Variants in HDX observed in about 807,000 individuals in gnomAD.
The protein encoded by HDX is highly divergent homeobox, also known as chromosome X open reading frame 43.
HDX carries 19 observed loss-of-function variants against 45.2 expected under a neutral mutation model. The ratio of observed to expected loss-of-function variants is 0.42; its 90% confidence interval spans 0.29 to 0.62. HDX has a LOEUF of 0.62. Ranked by LOEUF, HDX falls within the 20% of genes least tolerant of loss-of-function variation. The pLI is 0.20. For missense variants in HDX, 532 were observed against 493.9 expected (o/e 1.08, Z -0.73); for synonymous variants, 188 against 172.8 (o/e 1.09, Z -0.69).
intron 7 of HDX, among the ~76,000 whole-genome samples, chrX:84,340,029 T>G (rs2037053288): frequency 9.0e-6 from 1 of 111,082 alleles, no homozygotes; most frequent in Non-Finnish European, 1.9e-5. Flanking sequence ...TTTGTTTTTG[T>G]TTTTGTTTTT....
rs756170625 is a variant in HDX at position 84,427,052 on chromosome X, T to C, written c.1305+13480A>G. Among the ~76,000 whole-genome samples the C allele has an allele frequency of 8.6e-4, 96 of 111,073 alleles. 1 individual carries two copies. Among genetic ancestry groups the C allele is most frequent in the African/African-American group, 2.7e-3 (83 of 30,810 alleles). On this transcript the variant is annotated intron_variant, in intron 5 of 10. Coordinates refer to ENST00000373177, the MANE Select transcript of HDX (RefSeq NM_001177479.2). The stretch of plus-strand genomic sequence containing the variant: ...ATTTTGCCCCTTATAATTTTTAAGA[T>C]AGTAGCTTTCGTGTTGTGTTCTTAC...
chrX:84,497,964 T>A (rs1490204774), intron 1 of HDX, among the ~76,000 whole-genome samples: 1 of 111,315 alleles, frequency 9.0e-6, no homozygotes. Context: ...ATAAGCCACA[T>A]GTTTGCATGA....
chrX:84,371,629 G>A, intron 5 of HDX, among the ~76,000 whole-genome samples: 1 of 111,726 alleles, frequency 9.0e-6, no homozygotes, highest in Non-Finnish European at 1.9e-5. Flanking sequence ...GGGTGTCACA[G>A]CCCCCATGGA....
intron 6 of HDX, among the ~76,000 whole-genome samples, chrX:84,360,148 G>A (rs2037585971): frequency 9.0e-6 from 1 of 111,645 alleles, no homozygotes; most frequent in Admixed American, 9.5e-5. Flanking sequence ...CTCAAAAGAA[G>A]AAATTTATGC....
chrX:84,401,607 G>C (rs5922986), intron 5 of HDX, among the ~76,000 whole-genome samples: 26,768 of 110,963 alleles, frequency 0.24, 2,935 homozygotes, highest in Admixed American at 0.36. Context: ...CACTGTTGGT[G>C]GGTTTGCTAA....
chrX:84,325,935 C>T (rs1296617119), intron 10 of HDX, among the ~76,000 whole-genome samples: 2 of 111,621 alleles, frequency 1.8e-5, no homozygotes, highest in Non-Finnish European at 3.8e-5. Flanking sequence ...TTTTCCTCAC[C>T]TAAAGACTAA....
intron 2 of HDX, among the ~76,000 whole-genome samples, chrX:84,476,558 A>T (rs1384687884): frequency 3.7e-5 from 4 of 106,688 alleles, no homozygotes; most frequent in Non-Finnish European, 7.7e-5. Flanking sequence ...AAAAAAAAAA[A>T]AAAAAGAGGA....
intron 1 of HDX, among the ~76,000 whole-genome samples, chrX:84,496,411 C>A (rs961359055): frequency 9.1e-6 from 1 of 109,788 alleles, no homozygotes; most frequent in Non-Finnish European, 1.9e-5. Flanking sequence ...TGTTAAAATG[C>A]GGATTCTGAT....
intron 2 of HDX, among the ~76,000 whole-genome samples, chrX:84,482,631 G>T (rs2040711426): frequency 9.0e-6 from 1 of 111,578 alleles, no homozygotes; most frequent in African/African-American, 3.3e-5. Context: ...AATTCTGGGA[G>T]ATATATTTCA....
Position 84,317,981 on chromosome X carries a change from G to C in HDX, c.*3908C>G, listed in dbSNP as rs905353483. 2.7e-5 allele frequency: 3 copies of C among 110,800 alleles called. No individual in the cohort carries two copies. Among genetic ancestry groups the C allele is most frequent in the Non-Finnish European group, 5.7e-5 (3 of 52,466 alleles). The allele number at this position is 110,800 out of a possible 1,213,427, so 9.1% of individuals were successfully genotyped here. A position where few individuals can be genotyped will look rare whatever the true frequency, so the allele number is the denominator to read the frequency against. Reference sequence around the variant, plus strand: ...TTTTAAGGTGACAGTATATTTCAGAGGTAGTACTAGTAAAATGGGATGCAG... The same window carrying C: ...TTTTAAGGTGACAGTATATTTCAGACGTAGTACTAGTAAAATGGGATGCAG... On this transcript the variant is annotated 3_prime_UTR_variant, in exon 11 of 11. Coordinates refer to ENST00000373177, the MANE Select transcript of HDX (RefSeq NM_001177479.2).
intron 5 of HDX, among the ~76,000 whole-genome samples, chrX:84,372,274 TTAAG>T (rs749680060): frequency 8.9e-6 from 1 of 112,139 alleles, no homozygotes; most frequent in Non-Finnish European, 1.9e-5. Context: ...TTTTAAAATA[TTAAG>T]TATTTTTTTG....
intron 1 of HDX, among the ~76,000 whole-genome samples, chrX:84,498,489 A>G (rs2041054687): frequency 9.0e-6 from 1 of 111,566 alleles, no homozygotes; most frequent in African/African-American, 3.3e-5. Flanking sequence ...TGTACTCAAT[A>G]CAAGTATATT....
intron 4 of HDX, among the ~76,000 whole-genome samples, chrX:84,446,670 T>G (rs2039881378): frequency 8.9e-6 from 1 of 112,041 alleles, no homozygotes; most frequent in Non-Finnish European, 1.9e-5. Flanking sequence ...TCCTCCCATG[T>G]AAATATTAAA....
chrX:84,465,050 A>C (rs1417772837), intron 4 of HDX, among the ~76,000 whole-genome samples: 1 of 112,498 alleles, frequency 8.9e-6, no homozygotes, highest in African/African-American at 3.2e-5. Flanking sequence ...ACATTTATGC[A>C]GCCAACAAAC....
At chrX:84,412,349 T>C (rs1403780889) in intron 5 of HDX, among the ~76,000 whole-genome samples, 1 of 111,366 alleles carries the variant, frequency 9.0e-6, no homozygotes, top group Non-Finnish European at 1.9e-5. Context: ...ATAAGGCAGG[T>C]CTGGTATTAA....
At chrX:84,453,619 T>A (rs2040051857) in intron 4 of HDX, among the ~76,000 whole-genome samples, 1 of 112,091 alleles carries the variant, frequency 8.9e-6, no homozygotes, top group African/African-American at 3.2e-5. Context: ...TTTGCAGTAG[T>A]AAGTAAACTT....
chrX:84,497,342 T>A (rs1011470316), intron 1 of HDX, among the ~76,000 whole-genome samples: 1 of 111,728 alleles, frequency 9.0e-6, no homozygotes, highest in Non-Finnish European at 1.9e-5. Context: ...AGCTATTCCA[T>A]CCATAAAACA....
chrX:84,429,004 T>A (rs977686282), intron 5 of HDX, among the ~76,000 whole-genome samples: 42 of 110,766 alleles, frequency 3.8e-4, no homozygotes, highest in Non-Finnish European at 6.1e-4. Flanking sequence ...ACAACTTTTT[T>A]AAAAAATAAG....
chrX:84,371,019 A>G (rs2037880689), intron 5 of HDX, among the ~76,000 whole-genome samples: 1 of 112,527 alleles, frequency 8.9e-6, no homozygotes, highest in Non-Finnish European at 1.9e-5. Flanking sequence ...CATCATTTCA[A>G]CATATATGTA....
Sources: allele counts gnomAD v4.1 joint callset (sites outside exome capture counted in the v4.1 genomes callset), GRCh38; gene constraint gnomAD v4.1.1; transcripts MANE v1.5; gene names NCBI Gene and HGNC (gene_info 2026-07-23, HGNC 2026-07-21).